The following PKD1L1 variants were observed in gnomAD, a reference collection of about 807,000 sequenced individuals.
PKD1L1 encodes polycystin 1 like 1, transient receptor potential channel interacting.
A neutral mutation model predicts 323.4 loss-of-function variants in PKD1L1; 236 were observed. That is an observed-to-expected ratio of 0.73 (90% CI 0.66 to 0.81). PKD1L1 has a LOEUF of 0.81. PKD1L1 is among the 40% of genes least tolerant of loss of function. The probability of loss-of-function intolerance (pLI) is 0.00; values close to 1 mark genes in which losing one functional copy is unlikely to be tolerated. For synonymous variants in PKD1L1, 1,344 were observed against 1,335.0 expected (o/e 1.01, Z -0.15); for missense variants, 3,320 against 3,508.0 (o/e 0.95, Z 1.35).
intron 54 of PKD1L1, among the ~76,000 whole-genome samples, chr7:47,797,149 C>T (rs1784559969): frequency 6.6e-6 from 1 of 152,182 alleles, no homozygotes; most frequent in Non-Finnish European, 1.5e-5. Flanking sequence ...GCTTTCTGAC[C>T]CAGAGCCTCC....
intron 41 of PKD1L1, among the ~76,000 whole-genome samples, chr7:47,831,683 G>T (rs1562950951): frequency 6.6e-6 from 1 of 152,168 alleles, no homozygotes; most frequent in Non-Finnish European, 1.5e-5. Flanking sequence ...TAAGGGTCTG[G>T]GGTCAGGATG....
At chr7:47,836,114 G>C (rs902453073) in intron 37 of PKD1L1, among the ~76,000 whole-genome samples, 13 of 152,298 alleles carry the variant, frequency 8.5e-5, no homozygotes, top group Admixed American at 7.2e-4. Context: ...CCTGCTACTT[G>C]ATGATATTTC....
intron 19 of PKD1L1, among the ~76,000 whole-genome samples, chr7:47,882,570 G>A (rs1377518515): frequency 2.0e-5 from 3 of 152,070 alleles, no homozygotes; most frequent in Non-Finnish European, 4.4e-5. Flanking sequence ...GGTCAGGGAG[G>A]TCCTCTCTGA....
chr7:47,819,575 A>ATAAC (rs772803161), intron 46 of PKD1L1: 56 of 1,365,250 alleles, frequency 4.1e-5, no homozygotes, highest in Non-Finnish European at 5.3e-5. Context: ...ATGGATGGAA[A>ATAAC]TAACTGCTGG....
chr7:47,811,722 T>C (rs984676373), intron 50 of PKD1L1, 95 bp downstream of exon 50: 7 of 953,890 alleles, frequency 7.3e-6, no homozygotes, highest in Non-Finnish European at 8.0e-6. Flanking sequence ...GGTGAATGGG[T>C]AGGGAACTAG....
intron 26 of PKD1L1, among the ~76,000 whole-genome samples, chr7:47,864,576 T>TTTTCTTTC (rs199500886): frequency 0.11 from 12,338 of 107,450 alleles, 1,182 homozygotes; most frequent in East Asian, 0.16. Flanking sequence ...TTTTTCTTTC[T>TTTTCTTTC]TTTCTTTCTT....
intron 3 of PKD1L1, among the ~76,000 whole-genome samples, chr7:47,937,997 CTTG>C (rs946544849): frequency 3.9e-5 from 6 of 152,056 alleles, no homozygotes; most frequent in Admixed American, 3.3e-4. Context: ...AGCTGGCCAC[CTTG>C]TTTCCTACAC....
At position 47,835,177 on chromosome 7, in the gene PKD1L1, A is replaced by G. The variant is rs1330458942; in HGVS notation, c.6010T>C (p.Ser2004Pro). Residue 2004 changes from serine (S) to proline (P), a missense_variant, in exon 38 of 57, where the codon TCT (serine) becomes CCT (proline). Physicochemically the swap from Ser to Pro is moderately conservative, Grantham distance 74. Transcript: ENST00000289672. ...RVGLLCTLLA[S>P]PGAQLLSLLF... is the part of the protein sequence containing the mutation. ...AGGGACAAGAGCTGGGCCCCTGGAG[A>G]AGCCAGGAGGGTACACAGGAGACCC... The G allele has an allele frequency of 5.0e-6, 8 of 1,592,128 alleles. No individual in the cohort carries two copies. The highest frequency in any genetic ancestry group is 6.8e-6 in the Non-Finnish European group (8 of 1,172,010).
chr7:47,857,100 AG>A (rs1785921986), intron 28 of PKD1L1, among the ~76,000 whole-genome samples: 1 of 152,226 alleles, frequency 6.6e-6, no homozygotes, highest in South Asian at 2.1e-4. Flanking sequence ...TCAGGGAGCC[AG>A]GGGCCACCCT....
At chr7:47,819,566 T>C (rs1456085602) in intron 46 of PKD1L1, 1 of 1,364,766 alleles carries the variant, frequency 7.3e-7, no homozygotes, top group Non-Finnish European at 9.8e-7. Context: ...AAGTTGGTCA[T>C]GGATGGAAAT....
rs141429062 is a variant in PKD1L1 at position 47,846,942 on chromosome 7, C to T, written c.5090G>A (p.Arg1697Lys). Reference protein sequence around the residue: ...QWIRCLFWDKREWKSERFSPQ... With the variant: ...QWIRCLFWDKKEWKSERFSPQ... ...AGAGAAACGTTCAGATTTCCACTCTCTCTTGTCCCAAAACAGGCATCGGAT... is the reference window on the plus strand; with the variant it reads ...AGAGAAACGTTCAGATTTCCACTCTTTCTTGTCCCAAAACAGGCATCGGAT... The change falls in exon 32 of 57, where the codon AGA (arginine) becomes AAA (lysine). Residue 1697 changes from arginine (R) to lysine (K), a missense_variant. Arg to Lys is a conservative substitution (Grantham distance 26). Coordinates refer to ENST00000289672, the MANE Select transcript of PKD1L1 (RefSeq NM_138295.5). 284 of 1,613,892 alleles carry T rather than the reference C, an allele frequency of 1.8e-4. No individual in the cohort carries two copies. The highest frequency in any genetic ancestry group is 2.4e-4 in the Non-Finnish European group (278 of 1,179,946).
chr7:47,858,865 A>T lies in PKD1L1; in HGVS notation c.4170T>A (p.Val1390=). The change falls in exon 27 of 57, where the codon GTT becomes GTA. Residue 1390 remains valine, a synonymous_variant. Transcript: ENST00000289672. Reference sequence around the variant, plus strand: ...GTGCCCGGGTGTACTTGAGGATGAGAACCGCACTCATAAAGCCTAGCTGCA... The same window carrying T: ...GTGCCCGGGTGTACTTGAGGATGAGTACCGCACTCATAAAGCCTAGCTGCA... The part of the protein sequence containing the change: ...FSNKLGFMSA[V]LILKYTRALL... The T allele has an allele frequency of 6.2e-7, 1 of 1,613,938 alleles. No homozygotes were observed. Among genetic ancestry groups the T allele is most frequent in the Non-Finnish European group, 8.5e-7 (1 of 1,179,964 alleles).
intron 24 of PKD1L1, among the ~76,000 whole-genome samples, chr7:47,868,460 C>T (rs1341531147): frequency 6.6e-6 from 1 of 152,046 alleles, no homozygotes; most frequent in East Asian, 1.9e-4. Context: ...AGAAATGACA[C>T]TAGATGGTAA....
chr7:47,915,510 A>G lies in PKD1L1; in HGVS notation c.1150T>C (p.Cys384Arg), dbSNP rs1462898942. 6.8e-7 allele frequency: 1 copy of G among 1,467,978 alleles called. No individual in the cohort carries two copies. The highest frequency in any genetic ancestry group is 2.3e-5 in the East Asian group (1 of 44,214). The allele number at this position is 1,467,978 out of a possible 1,614,324, so 90.9% of individuals were successfully genotyped here. ...TCCAGGCAGCTGTTTTCACTTTGGC[A>G]CAAGTAAACATTTAAAGTTGTATTT... ...TQNTTLNVYL[C>R]QSENSCLEDS... Residue 384 changes from cysteine to arginine, a missense_variant, in exon 8 of 57, where the codon TGC (cysteine) becomes CGC (arginine). Transcript: ENST00000289672.
chr7:47,813,566 C>T lies in PKD1L1; in HGVS notation c.7174-273G>A, dbSNP rs144840624. 1.5e-3 allele frequency: 1,038 copies of T among 673,618 alleles called. 12 individuals are homozygous for T. The African/African-American group carries it at 0.015, about 10-fold the overall frequency. The allele number at this position is 673,618 out of a possible 1,614,324, so 41.7% of individuals were successfully genotyped here. On this transcript the variant is annotated intron_variant, in intron 48 of 56. Coordinates refer to ENST00000289672, the MANE Select transcript of PKD1L1 (RefSeq NM_138295.5). Reference sequence around the variant, plus strand: ...TTGAAGACTTCCCCATCATGAGATGCCAGGTAAAATGCCTGTCTCAGGGCA... The same window carrying T: ...TTGAAGACTTCCCCATCATGAGATGTCAGGTAAAATGCCTGTCTCAGGGCA...
the PKD1L1 span, among the ~76,000 whole-genome samples, chr7:47,959,424 T>A: frequency 6.9e-6 from 1 of 145,352 alleles, no homozygotes; most frequent in South Asian, 2.2e-4. Flanking sequence ...GAGGAGCGTC[T>A]CTGCCCGGCC....
At chr7:47,835,108 G>A in intron 38 of PKD1L1, 25 bp downstream of exon 38, 1 of 1,602,408 alleles carries the variant, frequency 6.2e-7, no homozygotes, top group Non-Finnish European at 8.5e-7. Context: ...AGGAGAACAG[G>A]GCCATGAGGA....
intron 9 of PKD1L1, 118 bp downstream of exon 9, chr7:47,907,959 G>A: frequency 3.1e-6 from 3 of 957,558 alleles, no homozygotes; most frequent in Non-Finnish European, 4.5e-6. Context: ...AAGAATGAAT[G>A]AAGGATGTTG....
rs1017125055 is a variant in PKD1L1, at chr7:47,836,872, A to T, written c.5943+49T>A. ...GATTTCTTAGGCAAAAAGGGGCCAC[A>T]GTGTAGTCGGATCTGGAAGCTGCTA... On this transcript the variant is annotated intron_variant, in intron 37 of 56. Coordinates refer to ENST00000289672, the MANE Select transcript of PKD1L1 (RefSeq NM_138295.5). 3.2e-6 allele frequency: 5 copies of T among 1,567,890 alleles called. No homozygotes were observed. In the African/African-American group the frequency reaches 5.4e-5, roughly 17 times the overall value.
Sources: allele counts gnomAD v4.1 joint callset (sites outside exome capture counted in the v4.1 genomes callset), GRCh38; gene constraint gnomAD v4.1.1; transcripts MANE v1.5; gene names NCBI Gene and HGNC (gene_info 2026-07-23, HGNC 2026-07-21).